The following TMEM210 variants were observed in gnomAD, a reference collection of about 807,000 sequenced individuals.
TMEM210 encodes transmembrane protein 210.
A neutral mutation model predicts 10.3 loss-of-function variants in TMEM210; 7 were observed. That is an observed-to-expected ratio of 0.68 (90% CI 0.39 to 1.28). The LOEUF (loss-of-function observed/expected upper bound fraction) is 1.28. TMEM210 is among the 50% of genes most tolerant of loss of function. The probability of loss-of-function intolerance (pLI) is 0.01; values close to 1 mark genes in which losing one functional copy is unlikely to be tolerated. For missense variants in TMEM210, 185 were observed against 197.8 expected (o/e 0.94, Z 0.39); for synonymous variants, 79 against 81.2 (o/e 0.97, Z 0.14).
rs933609285 is a variant in TMEM210 at position 137,172,040 on chromosome 9, C to T, written c.-13G>A. 4.3e-6 allele frequency: 6 copies of T among 1,383,248 alleles called. No homozygotes were observed. The highest frequency in any genetic ancestry group is 5.6e-6 in the Non-Finnish European group (6 of 1,072,252). The allele number at this position is 1,383,248 out of a possible 1,614,324, so 85.7% of individuals were successfully genotyped here. A position where few individuals can be genotyped will look rare whatever the true frequency, so the allele number is the denominator to read the frequency against. ...GACCGGGGGCCATGTCCAGCCCTGG[C>T]CCCACTGCACACCTCTGACGGAACT... is the stretch of plus-strand genomic sequence containing the variant. On this transcript the variant is annotated 5_prime_UTR_variant, in exon 1 of 4. Transcript: ENST00000413619.
In TMEM210 at chr9:137,171,255, C is replaced by T. The variant is rs1240488979; in HGVS notation, c.255-91G>A. ...TGGGACAGTGCACCCCCACAAAGGG[C>T]CTCCCTTGGGACAGCACACCTCCTC... On this transcript the variant is annotated intron_variant, in intron 3 of 3. Coordinates refer to ENST00000413619, the MANE Select transcript of TMEM210 (RefSeq NM_001282477.2). The T allele has an allele frequency of 4.1e-6, 6 of 1,477,802 alleles. No individual in the cohort carries two copies. In the South Asian group the frequency reaches 6.3e-5, roughly 15 times the overall value. The allele number at this position is 1,477,802 out of a possible 1,614,324, so 91.5% of individuals were successfully genotyped here. A position where few individuals can be genotyped will look rare whatever the true frequency, so the allele number is the denominator to read the frequency against.
chr9:137,171,355 C>T (rs1284973877), intron 3 of TMEM210, 59 bp downstream of exon 3: 25 of 1,534,258 alleles, frequency 1.6e-5, no homozygotes, highest in African/African-American at 5.5e-5. Context: ...GATAGCTCCC[C>T]CCGCCAAGGG....
chr9:137,171,502 C>T, intron 2 of TMEM210, 59 bp from the exon 3 acceptor site: 1 of 1,535,408 alleles, frequency 6.5e-7, no homozygotes, highest in East Asian at 2.4e-5. Context: ...GGAGCTCCCC[C>T]AGCACACGCC....
rs1834098735 is a variant in TMEM210 at position 137,171,124 on chromosome 9, G to A, written c.295C>T (p.Leu99=). ...NFGVQEDLMD[L]HPVYVESQLM... ...TGGGACTCCACGTAAACCGGGTGCA[G>A]GTCCATGAGATCTTCCTGGACCCCA... The change falls in exon 4 of 4, where the codon CTG becomes TTG. Residue 99 remains leucine (L), a synonymous_variant. Coordinates refer to ENST00000413619, the MANE Select transcript of TMEM210 (RefSeq NM_001282477.2). 3.3e-6 allele frequency: 5 copies of A among 1,535,260 alleles called. No homozygotes were observed. The highest frequency in any genetic ancestry group is 4.4e-6 in the Non-Finnish European group (5 of 1,146,536).
chr9:137,171,795 A>G lies in TMEM210; in HGVS notation c.89-19T>C, dbSNP rs1039307399. 1.1e-5 allele frequency: 16 copies of G among 1,519,680 alleles called. No homozygotes were observed. Among genetic ancestry groups the G allele is most frequent in the Admixed American group, 8.1e-5 (4 of 49,330 alleles). 94.1% of individuals were successfully genotyped at this position (1,519,680 alleles called of 1,614,324 possible). ...GTTCCAGCTGCAGAGACAGGGCCAC[A>G]TGGCCATGGGCCGGTCACCTGCCTG... On this transcript the variant is annotated intron_variant, in intron 1 of 3. Transcript: ENST00000413619.
intron 1 of TMEM210, 54 bp downstream of exon 1, chr9:137,171,886 C>G (rs901813050): frequency 1.2e-5 from 17 of 1,433,786 alleles, no homozygotes; most frequent in Non-Finnish European, 1.5e-5. Flanking sequence ...TCCCACCTTG[C>G]CTGGGGAAGG....
In TMEM210 at chr9:137,171,025, C is replaced by T. The variant is rs146163829; in HGVS notation, c.394G>A (p.Glu132Lys). 2.5e-5 allele frequency: 39 copies of T among 1,535,270 alleles called. No homozygotes were observed. The highest frequency in any genetic ancestry group is 3.3e-5 in the Non-Finnish European group (38 of 1,146,498). The change falls in exon 4 of 4, where the codon GAG becomes AAG. Residue 132 changes from glutamate (E) to lysine (K), a missense_variant. Transcript: ENST00000413619. ...GGTGGCGGCTCCTCTGAAGAAGCCT[C>T]CATGGGGATGGCCACAAGGCTCTGA... ...EDQSLVAIPM[E>K]ASSEEPPPPP...
At chr9:137,171,874 G>A (rs1834115656) in intron 1 of TMEM210, 66 bp downstream of exon 1, 1 of 1,437,014 alleles carries the variant, frequency 7.0e-7, no homozygotes, top group South Asian at 1.5e-5. Context: ...GGACACCAGA[G>A]CTCCCACCTT....
intron 2 of TMEM210, 78 bp from the exon 3 acceptor site, chr9:137,171,521 G>T: frequency 2.6e-6 from 4 of 1,534,638 alleles, no homozygotes; most frequent in South Asian, 1.2e-5. Context: ...CCTAGGAAAC[G>T]CCATTCCTAC....
At position 137,170,985 on chromosome 9, in the gene TMEM210, G is replaced by A; in HGVS notation, c.434C>T (p.Pro145Leu). 1 of 1,533,808 alleles carries A rather than the reference G, an allele frequency of 6.5e-7. No individual in the cohort carries two copies. The highest frequency in any genetic ancestry group is 8.7e-7 in the Non-Finnish European group (1 of 1,145,672). The change falls in exon 4 of 4, where the codon CCA (proline) becomes CTA (leucine). Residue 145 changes from proline (P) to leucine (L), a missense_variant. Coordinates refer to ENST00000413619, the MANE Select transcript of TMEM210 (RefSeq NM_001282477.2). ...SEEPPPPPPLPPE is the reference protein window; with the variant it reads ...SEEPPPPPPLLPE ...GCTGCCCTCAGCCCTCTACTCAGGT[G>A]GTAGGGGCGGGGGTGGTGGCGGCTC...
In TMEM210 at chr9:137,171,744, T is replaced by C. The variant is rs991673105; in HGVS notation, c.121A>G (p.Ser41Gly). 6.5e-7 allele frequency: 1 copy of C among 1,535,096 alleles called. No individual in the cohort carries two copies. The highest frequency in any genetic ancestry group is 2.4e-5 in the East Asian group (1 of 40,904). ...AGGAGGGCGATGAGGGCCTCGCGGC[T>C]GAGGCCAAGGCTGCATTCACAGTAG... ...GTYCECSLGL[S>G]REALIALLVV... Residue 41 changes from serine (S) to glycine (G), a missense_variant, in exon 2 of 4, where the codon AGC becomes GGC. Physicochemically the swap from Ser to Gly is moderately conservative, Grantham distance 56. Coordinates refer to ENST00000413619, the MANE Select transcript of TMEM210 (RefSeq NM_001282477.2).
intron 2 of TMEM210, 82 bp downstream of exon 2, chr9:137,171,559 A>G: frequency 6.5e-7 from 1 of 1,531,792 alleles, no homozygotes. Flanking sequence ...CCAGGGGGTA[A>G]AGCCCTTCTT....
chr9:137,171,827 G>T, intron 1 of TMEM210, 51 bp from the exon 2 acceptor site: 1 of 1,475,010 alleles, frequency 6.8e-7, no homozygotes, highest in Non-Finnish European at 9.0e-7. Flanking sequence ...CCTGCAGAGG[G>T]CCCCCAAGTC....
chr9:137,171,609 C>A, intron 2 of TMEM210, 32 bp downstream of exon 2: 2 of 1,528,874 alleles, frequency 1.3e-6, no homozygotes, highest in Non-Finnish European at 1.8e-6. Flanking sequence ...TGGCCTCACT[C>A]CCATCCTCTC....
At chr9:137,171,511 C>A (rs1321619339) in intron 2 of TMEM210, 68 bp from the exon 3 acceptor site, 4 of 1,535,074 alleles carry the variant, frequency 2.6e-6, no homozygotes, top group Non-Finnish European at 3.5e-6. Context: ...CCAGCACACG[C>A]CTAGGAAACG....
Position 137,172,053 on chromosome 9 carries a change from C to A in TMEM210, c.-26G>T. ...GTCCAGCCCTGGCCCCACTGCACAC[C>A]TCTGACGGAACTGTTGGAAGGTGCT... On this transcript the variant is annotated 5_prime_UTR_variant, in exon 1 of 4. The change creates a new upstream start codon in the 5' untranslated region. Coordinates refer to ENST00000413619, the MANE Select transcript of TMEM210 (RefSeq NM_001282477.2). The A allele has an allele frequency of 7.4e-7, 1 of 1,358,056 alleles. No individual in the cohort carries two copies. The highest frequency in any genetic ancestry group is 9.5e-7 in the Non-Finnish European group (1 of 1,058,130). The allele number at this position is 1,358,056 out of a possible 1,614,324, so 84.1% of individuals were successfully genotyped here.
intron 1 of TMEM210, 78 bp from the exon 2 acceptor site, chr9:137,171,854 G>A (rs1834115553): frequency 6.9e-7 from 1 of 1,445,874 alleles, no homozygotes; most frequent in Non-Finnish European, 9.1e-7. Context: ...TGCCCTGGTA[G>A]CCACCAGAAG....
intron 1 of TMEM210, 74 bp downstream of exon 1, chr9:137,171,866 A>G: frequency 6.9e-7 from 1 of 1,439,628 alleles, no homozygotes; most frequent in Non-Finnish European, 9.1e-7. Context: ...CACCAGAAGG[A>G]CACCAGAGCT....
At position 137,171,426 on chromosome 9, in the gene TMEM210, TGTCTC is replaced by T; in HGVS notation, c.237_241del (p.Arg80SerfsTer31). On this transcript the variant is annotated frameshift_variant, in exon 3 of 4. Coordinates refer to ENST00000413619, the MANE Select transcript of TMEM210 (RefSeq NM_001282477.2). LOFTEE classifies it low-confidence loss of function (END_TRUNC). ...CCCTGGTGCTCACCTGTTGTCCACT[TGTCTC>T]GGGCATGTTTCACTGAGGGGACGAA... The T allele has an allele frequency of 6.5e-7, 1 of 1,535,576 alleles. No individual in the cohort carries two copies.
Sources: allele counts gnomAD v4.1 joint callset, GRCh38; gene constraint gnomAD v4.1.1; transcripts MANE v1.5; gene names NCBI Gene and HGNC (gene_info 2026-07-23, HGNC 2026-07-21).